CNGB3: variants seen among roughly 807,000 people sequenced by gnomAD.
The protein encoded by CNGB3 is cyclic nucleotide gated channel subunit beta 3, also known as cyclic nucleotide-gated channel beta-3.
Under a neutral mutation model 92.8 loss-of-function variants are expected in CNGB3, and 86 were observed. The observed-to-expected ratio is 0.93, with a 90% CI of 0.78 to 1.11. The LOEUF (loss-of-function observed/expected upper bound fraction) is 1.11, where lower values mean the gene tolerates loss of function less well. Ranked by LOEUF, CNGB3 falls within the 50% of genes least tolerant of loss-of-function variation. The pLI is 0.00. For synonymous variants in CNGB3, 333 were observed against 332.7 expected (o/e 1.00, Z -0.01); for missense variants, 1,026 against 956.8 (o/e 1.07, Z -0.95).
At chr8:86,726,732 A>C in intron 2 of CNGB3, 75 bp from the exon 3 acceptor site, 1 of 1,534,988 alleles carries the variant, frequency 6.5e-7, no homozygotes, top group Non-Finnish European at 9.0e-7. Context: ...AACATGAGCT[A>C]CAAAGATGCT....
intron 10 of CNGB3, among the ~76,000 whole-genome samples, chr8:86,633,831 A>G (rs1823010042): frequency 6.6e-6 from 1 of 152,214 alleles, no homozygotes; most frequent in Non-Finnish European, 1.5e-5. Flanking sequence ...GAACAGATGA[A>G]TATCTCTTCT....
Position 86,739,751 on chromosome 8 carries a change from A to G in CNGB3, c.130-15T>C. ...TTGTTTTCTTCCTTTGAGAAAAAAC[A>G]TAGAGATTGTATGTGATGAATTTAC... On this transcript the variant is annotated splice_polypyrimidine_tract_variant and intron_variant, in intron 1 of 17. Coordinates refer to ENST00000320005, the MANE Select transcript of CNGB3 (RefSeq NM_019098.5). 6.2e-7 allele frequency: 1 copy of G among 1,612,766 alleles called. No individual in the cohort carries two copies. Among genetic ancestry groups the G allele is most frequent in the Non-Finnish European group, 8.5e-7 (1 of 1,179,660 alleles).
intron 3 of CNGB3, among the ~76,000 whole-genome samples, chr8:86,676,768 A>T (rs1374698318): frequency 6.6e-6 from 1 of 152,204 alleles, no homozygotes; most frequent in East Asian, 1.9e-4. Flanking sequence ...ATTTAAGTTA[A>T]GATGAAGCCA....
intron 11 of CNGB3, among the ~76,000 whole-genome samples, chr8:86,629,324 C>T (rs369020650): frequency 6.6e-6 from 1 of 152,130 alleles, no homozygotes; most frequent in African/African-American, 2.4e-5. Flanking sequence ...ATTATATTCT[C>T]TCTCTGATCC....
At chr8:86,680,376 C>A (rs367999490) in intron 3 of CNGB3, among the ~76,000 whole-genome samples, 2 of 152,074 alleles carry the variant, frequency 1.3e-5, no homozygotes, top group East Asian at 1.9e-4. Flanking sequence ...ATGAAAAAAA[C>A]CATCATTCAA....
chr8:86,634,279 A>C (rs1206951859), intron 10 of CNGB3, among the ~76,000 whole-genome samples: 1 of 152,152 alleles, frequency 6.6e-6, no homozygotes, highest in Non-Finnish European at 1.5e-5. Context: ...ATATTCAACA[A>C]TTTATTAGAA....
At chr8:86,634,652 G>A (rs1430438159) in intron 10 of CNGB3, among the ~76,000 whole-genome samples, 2 of 151,610 alleles carry the variant, frequency 1.3e-5, no homozygotes, top group Non-Finnish European at 2.9e-5. Context: ...GTCCCAACTA[G>A]CTATTTCAGC....
chr8:86,679,868 C>T (rs1404861344), intron 3 of CNGB3, among the ~76,000 whole-genome samples: 1 of 152,124 alleles, frequency 6.6e-6, no homozygotes, highest in Non-Finnish European at 1.5e-5. Context: ...GACTAAAGAG[C>T]ACTTTCTTTC....
chr8:86,679,783 C>T (rs1824045334), intron 3 of CNGB3, among the ~76,000 whole-genome samples: 1 of 152,114 alleles, frequency 6.6e-6, no homozygotes, highest in Non-Finnish European at 1.5e-5. Flanking sequence ...ACCTTGGCCT[C>T]CAAAATTGTT....
intron 15 of CNGB3, among the ~76,000 whole-genome samples, chr8:86,591,412 C>T (rs1016150483): frequency 1.3e-4 from 20 of 151,762 alleles, no homozygotes; most frequent in South Asian, 2.1e-4. Context: ...GGAGGAGAGG[C>T]ACTCTGATTT....
At chr8:86,639,053 G>A (rs35465503) in intron 10 of CNGB3, among the ~76,000 whole-genome samples, 9,243 of 151,814 alleles carry the variant, frequency 0.061, 317 homozygotes, top group South Asian at 0.11. Flanking sequence ...CTGTAAAATT[G>A]AGAAGGTGGA....
chr8:86,702,790 T>TA (rs200048062), intron 3 of CNGB3, among the ~76,000 whole-genome samples: 37 of 151,954 alleles, frequency 2.4e-4, no homozygotes, highest in East Asian at 9.6e-4. Context: ...TATTCTTTTT[T>TA]AAAAAAAATC....
chr8:86,738,253 A>G (rs976647445), intron 2 of CNGB3, among the ~76,000 whole-genome samples: 68 of 152,070 alleles, frequency 4.5e-4, no homozygotes, highest in African/African-American at 1.4e-3. Context: ...AGTAGGAGAG[A>G]AGGTCTAGAA....
intron 14 of CNGB3, among the ~76,000 whole-genome samples, chr8:86,606,130 T>G (rs1199354271): frequency 6.9e-6 from 1 of 145,978 alleles, no homozygotes; most frequent in Admixed American, 7.4e-5. Flanking sequence ...ATTTTTAAAT[T>G]AAAATTTTGG....
In CNGB3 at chr8:86,574,448, T is replaced by C. The variant is rs2131527433; in HGVS notation, c.*1356A>G. On this transcript the variant is annotated 3_prime_UTR_variant, in exon 18 of 18. Coordinates refer to ENST00000320005, the MANE Select transcript of CNGB3 (RefSeq NM_019098.5). ...CCTGAAAAAACCAACCATCCTTTAG[T>C]AAAACTTGTTATATTTTGTGATACT... The C allele has an allele frequency of 6.6e-6, 1 of 152,360 alleles. No individual in the cohort carries two copies. Among genetic ancestry groups the C allele is most frequent in the South Asian group, 2.1e-4 (1 of 4,832 alleles). The allele number at this position is 152,360 out of a possible 1,614,324, so 9.4% of individuals were successfully genotyped here.
At chr8:86,714,097 A>G (rs545194593) in intron 3 of CNGB3, among the ~76,000 whole-genome samples, 1 of 152,194 alleles carries the variant, frequency 6.6e-6, no homozygotes, top group Admixed American at 6.5e-5. Flanking sequence ...GGACAAATTT[A>G]TAATGACATG....
chr8:86,661,133 C>A (rs1053705319), intron 6 of CNGB3: 15 of 224,642 alleles, frequency 6.7e-5, no homozygotes, highest in Admixed American at 2.1e-4. Flanking sequence ...TAATATATAA[C>A]AGATTCATAC....
rs1821619010 is a variant in CNGB3, at chr8:86,574,374, C to A, written c.*1430G>T. The A allele has an allele frequency of 1.3e-5, 2 of 152,176 alleles. No individual in the cohort carries two copies. The highest frequency in any genetic ancestry group is 1.3e-4 in the Admixed American group (2 of 15,278). The allele number at this position is 152,176 out of a possible 1,614,324, so 9.4% of individuals were successfully genotyped here. ...TTCACTCTTTCTGCATACAAACTCC[C>A]ATTTATCAAATAAATACTATTTAAC... On this transcript the variant is annotated 3_prime_UTR_variant, in exon 18 of 18. Transcript: ENST00000320005.
At chr8:86,700,267 G>T (rs556131396) in intron 3 of CNGB3, among the ~76,000 whole-genome samples, 1 of 152,136 alleles carries the variant, frequency 6.6e-6, no homozygotes, top group South Asian at 2.1e-4. Context: ...TCTATCTGAG[G>T]CATTTGTGTG....
Sources: gnomAD v4.1 joint callset for allele counts (sites outside exome capture counted in the v4.1 genomes callset) on GRCh38, gnomAD v4.1.1 for gene constraint, MANE v1.5 for transcripts, NCBI Gene and HGNC (gene_info 2026-07-23, HGNC 2026-07-21) for gene names.